SIRPD: variants seen among roughly 807,000 people sequenced by gnomAD.
SIRPD encodes the protein signal-regulatory protein delta.
A neutral mutation model predicts 18.0 loss-of-function variants in SIRPD; 21 were observed. The ratio of observed to expected loss-of-function variants is 1.17; its 90% CI spans 0.83 to 1.68. SIRPD has a LOEUF of 1.68. SIRPD is among the 40% of genes most tolerant of loss of function. The probability of loss-of-function intolerance (pLI) is 0.00; values close to 1 mark genes in which losing one functional copy is unlikely to be tolerated. For synonymous variants in SIRPD, 106 were observed against 92.9 expected (o/e 1.14, Z -0.81); for missense variants, 295 against 238.4 (o/e 1.24, Z -1.56).
At chr20:1,544,214 A>C (rs2090983655) in intron 2 of SIRPD, among the ~76,000 whole-genome samples, 1 of 152,240 alleles carries the variant, frequency 6.6e-6, no homozygotes, top group Admixed American at 6.5e-5. Flanking sequence ...GTGGGATATT[A>C]AAGTCTCCCA....
At chr20:1,547,767 G>T (rs1409631034) in intron 2 of SIRPD, among the ~76,000 whole-genome samples, 1 of 152,072 alleles carries the variant, frequency 6.6e-6, no homozygotes, top group Non-Finnish European at 1.5e-5. Flanking sequence ...TAAATCTTCT[G>T]GTCCATGAAA....
At position 1,537,243 on chromosome 20, in the gene SIRPD, G is replaced by C. The variant is rs760550700; in HGVS notation, c.489C>G (p.Ala163=). The change falls in exon 3 of 4, where the codon GCC becomes GCG. Residue 163 remains alanine (A), a synonymous_variant. Coordinates refer to ENST00000381623, the MANE Select transcript of SIRPD (RefSeq NM_178460.3). ...GRAGSRAHHD[A]HTCLSALPER... is the part of the protein sequence containing the mutation. The stretch of plus-strand genomic sequence containing the variant: ...CAGGCAGGGCCGAGAGGCAGGTATG[G>C]GCATCATGGTGGGCCCTGGAGCCTG... The C allele has an allele frequency of 3.7e-6, 6 of 1,614,134 alleles. No individual in the cohort carries two copies. The South Asian group carries it at 6.6e-5, about 18-fold the overall frequency.
intron 1 of SIRPD, 78 bp downstream of exon 1, chr20:1,557,503 T>C (rs1039165592): frequency 9.6e-6 from 12 of 1,250,094 alleles, no homozygotes; most frequent in Non-Finnish European, 1.3e-5. Context: ...AGAAATTCTA[T>C]GGGAACAGGT....
chr20:1,542,755 G>T (rs2123125396), intron 2 of SIRPD, among the ~76,000 whole-genome samples: 1 of 152,262 alleles, frequency 6.6e-6, no homozygotes, highest in South Asian at 2.1e-4. Context: ...TGTCCATTCA[G>T]TATGATACTG....
chr20:1,556,455 T>A lies in SIRPD; in HGVS notation c.73+1126A>T, dbSNP rs757885196. 2.0e-5 allele frequency among the ~76,000 whole-genome samples: 3 copies of A among 152,336 alleles called. No homozygotes were observed. The South Asian group carries it at 6.2e-4, about 32-fold the overall frequency. ...CCAACAAAGAATATATCTAAGTTAT[T>A]AAAATTTCATGTTGAGGCTATTATG... On this transcript the variant is annotated intron_variant, in intron 1 of 3. Transcript: ENST00000381623.
intron 2 of SIRPD, among the ~76,000 whole-genome samples, chr20:1,545,429 T>C (rs2090989440): frequency 6.6e-6 from 1 of 152,240 alleles, no homozygotes; most frequent in African/African-American, 2.4e-5. Flanking sequence ...TTCTGTATGC[T>C]TCATGAAGTT....
chr20:1,549,370 C>CTTTT (rs11475966), intron 2 of SIRPD, among the ~76,000 whole-genome samples: 4 of 147,268 alleles, frequency 2.7e-5, no homozygotes, highest in African/African-American at 9.9e-5. Context: ...TTTCTGATAC[C>CTTTT]TTTTTTTTTT....
At chr20:1,550,098 A>G (rs2091012129) in intron 2 of SIRPD, among the ~76,000 whole-genome samples, 1 of 152,206 alleles carries the variant, frequency 6.6e-6, no homozygotes, top group Non-Finnish European at 1.5e-5. Flanking sequence ...GGGTTCCGAG[A>G]AGAGTCTACC....
intron 2 of SIRPD, among the ~76,000 whole-genome samples, chr20:1,542,298 C>G (rs1441742034): frequency 1.3e-5 from 2 of 151,714 alleles, no homozygotes; most frequent in African/African-American, 2.4e-5. Flanking sequence ...TGTTTGTGTC[C>G]TCTCTCTTAT....
intron 1 of SIRPD, among the ~76,000 whole-genome samples, chr20:1,555,234 A>G (rs1235162202): frequency 6.6e-6 from 1 of 152,208 alleles, no homozygotes; most frequent in Non-Finnish European, 1.5e-5. Flanking sequence ...GACAAATACC[A>G]CATGATCTTG....
At chr20:1,534,741 A>G (rs1033392633) in intron 3 of SIRPD, among the ~76,000 whole-genome samples, 1 of 152,156 alleles carries the variant, frequency 6.6e-6, no homozygotes, top group Non-Finnish European at 1.5e-5. Context: ...TTTGGTCCCA[A>G]ATGTTCAAAA....
chr20:1,555,410 T>C (rs2091036198), intron 1 of SIRPD, among the ~76,000 whole-genome samples: 1 of 152,196 alleles, frequency 6.6e-6, no homozygotes, highest in Non-Finnish European at 1.5e-5. Flanking sequence ...AGGAATAGGT[T>C]CTGGTGATCT....
At chr20:1,544,433 A>T (rs1249344129) in intron 2 of SIRPD, among the ~76,000 whole-genome samples, 2 of 124,574 alleles carry the variant, frequency 1.6e-5, no homozygotes, top group Non-Finnish European at 3.2e-5. Flanking sequence ...GGATTGCAAC[A>T]ACTGCTTTTT....
chr20:1,552,318 G>T (rs2091023123), intron 1 of SIRPD, among the ~76,000 whole-genome samples: 1 of 152,046 alleles, frequency 6.6e-6, no homozygotes, highest in Non-Finnish European at 1.5e-5. Flanking sequence ...ATTATCAATG[G>T]GTAATGTTCT....
At chr20:1,548,599 G>A (rs1018390224) in intron 2 of SIRPD, among the ~76,000 whole-genome samples, 1 of 151,898 alleles carries the variant, frequency 6.6e-6, no homozygotes, top group African/African-American at 2.4e-5. Flanking sequence ...GTCTGGTGTC[G>A]ATATCAGGGT....
intron 2 of SIRPD, among the ~76,000 whole-genome samples, chr20:1,545,289 A>G (rs536613342): frequency 2.0e-5 from 3 of 152,072 alleles, no homozygotes; most frequent in East Asian, 1.9e-4. Flanking sequence ...ATAGTCCCAT[A>G]TTTCTTGGAG....
At chr20:1,557,484 C>A in intron 1 of SIRPD, 97 bp downstream of exon 1, 2 of 1,112,438 alleles carry the variant, frequency 1.8e-6, no homozygotes, top group South Asian at 2.3e-5. Flanking sequence ...TGGAGAAAAC[C>A]CTCCCAAAAG....
chr20:1,551,834 G>A lies in SIRPD; in HGVS notation c.278C>T (p.Thr93Ile). The change falls in exon 2 of 4, where the codon ACC becomes ATC. Residue 93 changes from threonine (T) to isoleucine (I), a missense_variant. By Grantham distance (89) the Thr-to-Ile change is moderately conservative (BLOSUM62 -1). Transcript: ENST00000381623. ...FPRVKEIGDT[T>I]KPGNTDFSTR... ...GGAAAAGTCTGTGTTGCCAGGCTTG[G>A]TGGTGTCTCCAATCTCTTTTACTCT... is the stretch of plus-strand genomic sequence containing the variant. The A allele has an allele frequency of 1.2e-6, 2 of 1,614,112 alleles. No individual in the cohort carries two copies. The highest frequency in any genetic ancestry group is 8.5e-7 in the Non-Finnish European group (1 of 1,180,000).
rs531003646 is a variant in SIRPD, at chr20:1,543,958, A to G, written c.422-6648T>C. Among the ~76,000 whole-genome samples the G allele has an allele frequency of 3.3e-5, 5 of 152,230 alleles. No individual in the cohort carries two copies. In the South Asian group the frequency reaches 1.0e-3, roughly 32 times the overall value. ...TTTCTTAATCCTGAGTTCTAATTTG[A>G]TTGCACTGTGATCTGAGAGACTGTT... is the stretch of plus-strand genomic sequence containing the variant. On this transcript the variant is annotated intron_variant, in intron 2 of 3. Coordinates refer to ENST00000381623, the MANE Select transcript of SIRPD (RefSeq NM_178460.3).
Sources: gnomAD v4.1 joint callset for allele counts (sites outside exome capture counted in the v4.1 genomes callset) on GRCh38, gnomAD v4.1.1 for gene constraint, MANE v1.5 for transcripts, NCBI Gene and HGNC (gene_info 2026-07-23, HGNC 2026-07-21) for gene names.